Variants in MYT1L observed in about 807,000 individuals in gnomAD.
The protein encoded by MYT1L is myelin transcription factor 1-like protein.
MYT1L carries 12 observed loss-of-function variants against 126.7 expected under a neutral mutation model. That is an observed-to-expected ratio of 0.09 (90% confidence interval 0.06 to 0.15). MYT1L has a LOEUF of 0.15. MYT1L is among the 10% of genes least tolerant of loss of function. The pLI is 1.00. For missense variants in MYT1L, 979 were observed against 1,585.2 expected (o/e 0.62, Z 6.49); for synonymous variants, 541 against 604.2 (o/e 0.90, Z 1.53).
intron 4 of MYT1L, among the ~76,000 whole-genome samples, chr2:2,007,026 G>A (rs2149726013): frequency 6.6e-6 from 1 of 151,728 alleles, no homozygotes; most frequent in South Asian, 2.1e-4. Flanking sequence ...TCTTAAGGCT[G>A]AATAATATTT....
intron 2 of MYT1L, among the ~76,000 whole-genome samples, chr2:2,238,859 C>T (rs752590955): frequency 3.2e-4 from 48 of 152,184 alleles, no homozygotes; most frequent in Admixed American, 5.9e-4. Flanking sequence ...GTACACGTCC[C>T]AGTCTCTGGG....
chr2:2,055,189 A>G (rs2069351673), intron 3 of MYT1L, among the ~76,000 whole-genome samples: 1 of 152,152 alleles, frequency 6.6e-6, no homozygotes, highest in Admixed American at 6.5e-5. Flanking sequence ...TATTAAGACT[A>G]CAAAATGTGT....
chr2:1,989,455 C>T (rs907772793), intron 5 of MYT1L, among the ~76,000 whole-genome samples: 7 of 152,154 alleles, frequency 4.6e-5, no homozygotes, highest in South Asian at 2.1e-4. Context: ...TTCTGCAGCC[C>T]TCAGCATGGC....
chr2:1,826,339 C>T (rs2039331087), intron 21 of MYT1L, among the ~76,000 whole-genome samples: 1 of 152,186 alleles, frequency 6.6e-6, no homozygotes, highest in Non-Finnish European at 1.5e-5. Context: ...TCAGCATCTG[C>T]TGAATGCTTG....
intron 19 of MYT1L, among the ~76,000 whole-genome samples, chr2:1,850,079 G>T (rs28566053): frequency 0.39 from 57,359 of 145,456 alleles, 12,298 homozygotes; most frequent in East Asian, 0.62. Flanking sequence ...AACTCTCCTA[G>T]CTTCCTTTAT....
rs531452862 is a variant in MYT1L, at chr2:2,043,335, A to G, written c.-158+10643T>C. Among the ~76,000 whole-genome samples the G allele has an allele frequency of 7.9e-5, 12 of 152,022 alleles. No homozygotes were observed. In the East Asian group the frequency reaches 9.7e-4, roughly 12 times the overall value. On this transcript the variant is annotated intron_variant, in intron 4 of 24. Coordinates refer to ENST00000647738, the MANE Select transcript of MYT1L (RefSeq NM_001303052.2). ...AGTATATTACCTTCGATTAACAGTA[A>G]ATTACAATGGGAATGCCATGAAATT...
chr2:2,172,167 T>A (rs2090139289), intron 3 of MYT1L, among the ~76,000 whole-genome samples: 1 of 152,286 alleles, frequency 6.6e-6, no homozygotes, highest in Non-Finnish European at 1.5e-5. Context: ...CCTAAAAATA[T>A]GTGCTGCCAG....
intron 3 of MYT1L, among the ~76,000 whole-genome samples, chr2:2,152,215 C>T (rs748557695): frequency 1.3e-5 from 2 of 152,354 alleles, no homozygotes; most frequent in South Asian, 4.1e-4. Context: ...ACCTGGGCAG[C>T]CACTAGGGAC....
chr2:1,963,128 G>A (rs533725590), intron 8 of MYT1L, among the ~76,000 whole-genome samples: 4 of 152,310 alleles, frequency 2.6e-5, no homozygotes, highest in Admixed American at 2.0e-4. Flanking sequence ...CTGCAGAATG[G>A]ATGTTGTGTC....
chr2:2,067,365 T>G (rs1302692015), intron 3 of MYT1L, among the ~76,000 whole-genome samples: 1 of 152,004 alleles, frequency 6.6e-6, no homozygotes, highest in Non-Finnish European at 1.5e-5. Context: ...ATGAAAAAAA[T>G]GATTACTGAC....
At chr2:1,969,003 ACCCCACTC>A (rs2059603664) in intron 8 of MYT1L, among the ~76,000 whole-genome samples, 1 of 152,026 alleles carries the variant, frequency 6.6e-6, no homozygotes, top group South Asian at 2.1e-4. Flanking sequence ...CATAGTCCTC[ACCCCACTC>A]CAAAGCGGCT....
chr2:2,005,309 T>C (rs1259762084), intron 4 of MYT1L, among the ~76,000 whole-genome samples: 2 of 144,998 alleles, frequency 1.4e-5, no homozygotes, highest in Non-Finnish European at 3.0e-5. Context: ...CTTTCCTGCG[T>C]GCCTTCTTTC....
At chr2:1,925,697 A>C (rs1478797744) in intron 9 of MYT1L, among the ~76,000 whole-genome samples, 1 of 152,152 alleles carries the variant, frequency 6.6e-6, no homozygotes, top group Non-Finnish European at 1.5e-5. Flanking sequence ...CCTCCGATGC[A>C]TCTCCAGCTT....
intron 2 of MYT1L, among the ~76,000 whole-genome samples, chr2:2,177,109 G>C (rs1305724186): frequency 6.6e-6 from 1 of 152,218 alleles, no homozygotes; most frequent in African/African-American, 2.4e-5. Flanking sequence ...CTGCTGTGTA[G>C]CGGGGACGAT....
chr2:1,911,416 T>C (rs113139026), intron 12 of MYT1L, among the ~76,000 whole-genome samples: 6 of 152,176 alleles, frequency 3.9e-5, no homozygotes, highest in Non-Finnish European at 7.4e-5. Flanking sequence ...CGCAATATTA[T>C]GGGCAGCTGA....
intron 19 of MYT1L, 95 bp from the exon 20 acceptor site, chr2:1,840,938 C>T (rs2041590866): frequency 2.4e-6 from 2 of 836,166 alleles, no homozygotes; most frequent in South Asian, 1.7e-5. Context: ...GAGTCTCACT[C>T]TGTCACCCAG....
At chr2:2,215,261 T>C (rs1426044980) in intron 2 of MYT1L, among the ~76,000 whole-genome samples, 1 of 152,206 alleles carries the variant, frequency 6.6e-6, no homozygotes, top group Non-Finnish European at 1.5e-5. Context: ...GCAGAAGTTG[T>C]TGAATTAGAT....
At chr2:1,950,064 CA>C (rs1385131767) in intron 8 of MYT1L, among the ~76,000 whole-genome samples, 1 of 152,036 alleles carries the variant, frequency 6.6e-6, no homozygotes, top group Non-Finnish European at 1.5e-5. Context: ...TCTCTATATA[CA>C]CAAATTCATT....
chr2:1,861,996 G>GATCCTTCTGCAGCCTCTGT (rs1553273059), intron 18 of MYT1L, among the ~76,000 whole-genome samples: 2 of 152,114 alleles, frequency 1.3e-5, no homozygotes, highest in Non-Finnish European at 1.5e-5. Context: ...TGTAATCCTG[G>GATCCTTCTGCAGCCTCTGT]AATTCGCTGA....
Sources: gnomAD v4.1 joint callset for allele counts (sites outside exome capture counted in the v4.1 genomes callset) on GRCh38, gnomAD v4.1.1 for gene constraint, MANE v1.5 for transcripts, NCBI Gene and HGNC (gene_info 2026-07-23, HGNC 2026-07-21) for gene names.